Variants in INO80D observed in about 807,000 individuals in gnomAD.
INO80D encodes the protein INO80 complex subunit D.
INO80D carries 21 observed loss-of-function variants against 87.6 expected under a neutral mutation model. That is an observed-to-expected ratio of 0.24 (90% CI 0.17 to 0.35). The LOEUF is 0.35. INO80D is among the 10% of genes least tolerant of loss of function. The pLI is 1.00. For synonymous variants in INO80D, 440 were observed against 491.0 expected, an observed-to-expected ratio of 0.90 and a Z score of 1.37; for missense variants, 982 against 1,280.7, an observed-to-expected ratio of 0.77 and a Z score of 3.56.
At chr2:206,048,329 G>A (rs1270344933) in intron 4 of INO80D, among the ~76,000 whole-genome samples, 1 of 152,088 alleles carries the variant, frequency 6.6e-6, no homozygotes, top group Admixed American at 6.6e-5. Context: ...GACCTCCCGG[G>A]CTCAAGTGAT....
chr2:206,047,015 G>A (rs996351024), intron 4 of INO80D, among the ~76,000 whole-genome samples: 6 of 152,274 alleles, frequency 3.9e-5, no homozygotes, highest in African/African-American at 7.2e-5. Flanking sequence ...GCCTGACCTC[G>A]TGATCCACCC....
chr2:206,005,678 A>G, intron 10 of INO80D, 145 bp from the exon 11 acceptor site: 3 of 680,994 alleles, frequency 4.4e-6, no homozygotes, highest in Non-Finnish European at 7.3e-6. Flanking sequence ...GATTGGAGGG[A>G]AAAAGTGAAA....
At chr2:206,080,902 CAAAAAAAAAAAAAA>C (rs60198558) in intron 1 of INO80D, among the ~76,000 whole-genome samples, 3 of 38,064 alleles carry the variant, frequency 7.9e-5, no homozygotes, top group Non-Finnish European at 1.2e-4. Context: ...GACTCAGTCT[CAAAAAAAAAAAAAA>C]AAAAAAAAAA....
intron 9 of INO80D, 111 bp from the exon 10 acceptor site, chr2:206,007,552 T>A: frequency 1.6e-6 from 2 of 1,250,958 alleles, no homozygotes; most frequent in South Asian, 3.1e-5. Flanking sequence ...CAGGGCACAG[T>A]GGCTCACACC....
chr2:206,028,396 G>C, intron 5 of INO80D, 61 bp from the exon 6 acceptor site: 1 of 1,345,242 alleles, frequency 7.4e-7, no homozygotes, highest in Non-Finnish European at 1.0e-6. Flanking sequence ...TTTAGACAGG[G>C]TAAACGAGAA....
chr2:206,007,168 C>T (rs748464640), intron 10 of INO80D, 116 bp downstream of exon 10: 20 of 838,100 alleles, frequency 2.4e-5, no homozygotes, highest in Non-Finnish European at 3.4e-5. Flanking sequence ...TTCCTATCTA[C>T]AGTGAAAGAC....
In INO80D at chr2:206,003,954, C is replaced by CA; in HGVS notation, c.*413_*414insT. ...CCATTTGCTGTCTCTTATACAGGAA[C>CA]TCAATTAATAAGATCATTCTATCTA... On this transcript the variant is annotated 3_prime_UTR_variant, in exon 11 of 11. Coordinates refer to ENST00000403263, the MANE Select transcript of INO80D (RefSeq NM_017759.5). 1.1e-5 allele frequency: 2 copies of CA among 183,184 alleles called. No homozygotes were observed. The highest frequency in any genetic ancestry group is 1.3e-4 in the East Asian group (1 of 7,944). 11.3% of individuals were successfully genotyped at this position (183,184 alleles called of 1,614,324 possible).
intron 6 of INO80D, 149 bp downstream of exon 6, chr2:206,027,962 G>T: frequency 2.2e-6 from 1 of 463,330 alleles, no homozygotes; most frequent in African/African-American, 2.0e-5. Context: ...GCCACCTGTA[G>T]CACTTTAATA....
At chr2:206,038,134 G>A (rs1438003908) in intron 5 of INO80D, among the ~76,000 whole-genome samples, 1 of 152,062 alleles carries the variant, frequency 6.6e-6, no homozygotes, top group Non-Finnish European at 1.5e-5. Flanking sequence ...CAGGCACAAT[G>A]TATGTCATTC....
At chr2:206,066,212 C>G (rs906638914) in intron 1 of INO80D, among the ~76,000 whole-genome samples, 5 of 151,896 alleles carry the variant, frequency 3.3e-5, no homozygotes, top group Non-Finnish European at 7.4e-5. Context: ...GAGCTGAGAT[C>G]GCAACACTGC....
At chr2:206,061,544 C>G (rs2105889286) in intron 3 of INO80D, among the ~76,000 whole-genome samples, 1 of 152,298 alleles carries the variant, frequency 6.6e-6, no homozygotes, top group South Asian at 2.1e-4. Flanking sequence ...TATATTTAGC[C>G]TAATACATAC....
intron 3 of INO80D, among the ~76,000 whole-genome samples, chr2:206,058,138 A>C (rs1313043169): frequency 1.3e-5 from 2 of 152,104 alleles, no homozygotes; most frequent in Non-Finnish European, 2.9e-5. Flanking sequence ...AAACCTATAA[A>C]GGCCGGGCAC....
At chr2:206,025,876 T>C (rs1369416528) in intron 6 of INO80D, among the ~76,000 whole-genome samples, 1 of 152,006 alleles carries the variant, frequency 6.6e-6, no homozygotes, top group African/African-American at 2.4e-5. Flanking sequence ...TTGAACTCTA[T>C]TTCCTTAAAG....
intron 6 of INO80D, 31 bp from the exon 7 acceptor site, chr2:206,019,876 T>C (rs753765877): frequency 6.5e-7 from 1 of 1,545,934 alleles, no homozygotes; most frequent in African/African-American, 1.4e-5. Context: ...AATTAATTTT[T>C]TTTTAATGCT....
At position 206,063,246 on chromosome 2, in the gene INO80D, T is replaced by C. The variant is rs1689732660; in HGVS notation, c.-123-2A>G. 1.8e-6 allele frequency: 1 copy of C among 542,654 alleles called. No individual in the cohort carries two copies. The highest frequency in any genetic ancestry group is 3.3e-5 in the East Asian group (1 of 30,552). 33.6% of individuals were successfully genotyped at this position (542,654 alleles called of 1,614,324 possible). On this transcript the variant is annotated splice_acceptor_variant, in intron 1 of 10. Coordinates refer to ENST00000403263, the MANE Select transcript of INO80D (RefSeq NM_017759.5). LOFTEE classifies it low-confidence loss of function (5UTR_SPLICE). Reference sequence around the variant, plus strand: ...CAGAATCAGGATGAAGCAGATTGTCTATAAAAATATCAAAAGGCCTAGTTA... The same window carrying C: ...CAGAATCAGGATGAAGCAGATTGTCCATAAAAATATCAAAAGGCCTAGTTA...
At position 206,072,508 on chromosome 2, in the gene INO80D, C is replaced by A. The variant is rs189980630; in HGVS notation, c.-123-9264G>T. ...GGCGAGGCTGGTCTCGAATTCCTGT[C>A]CTCAGGTGATCCATCCACTTCAGCC... is the stretch of plus-strand genomic sequence containing the variant. On this transcript the variant is annotated intron_variant, in intron 1 of 10. Transcript: ENST00000403263. Among the ~76,000 whole-genome samples the A allele has an allele frequency of 4.6e-3, 695 of 152,166 alleles. 4 individuals are homozygous for A. The highest frequency in any genetic ancestry group is 4.9e-3 in the Non-Finnish European group (332 of 68,004).
chr2:206,057,294 A>C (rs774892538), intron 3 of INO80D, among the ~76,000 whole-genome samples: 6 of 152,236 alleles, frequency 3.9e-5, no homozygotes, highest in Non-Finnish European at 8.8e-5. Flanking sequence ...AAGATCACTT[A>C]AAATTCTCTT....
intron 4 of INO80D, among the ~76,000 whole-genome samples, chr2:206,053,967 G>A (rs1280287287): frequency 6.6e-6 from 1 of 151,586 alleles, no homozygotes; most frequent in African/African-American, 2.4e-5. Context: ...AGCCTCCCAA[G>A]TAGCTGGGAT....
chr2:206,013,305 G>A (rs897716753), intron 8 of INO80D, among the ~76,000 whole-genome samples: 11 of 152,136 alleles, frequency 7.2e-5, no homozygotes, highest in South Asian at 4.1e-4. Context: ...TGTAATCCCA[G>A]CACTTTGGGA....
Sources: gnomAD v4.1 joint callset for allele counts (sites outside exome capture counted in the v4.1 genomes callset) on GRCh38, gnomAD v4.1.1 for gene constraint, MANE v1.5 for transcripts, NCBI Gene and HGNC (gene_info 2026-07-23, HGNC 2026-07-21) for gene names.